CCNB3: variants seen among roughly 807,000 people sequenced by gnomAD.
CCNB3 encodes cyclin B3.
CCNB3 carries 12 observed loss-of-function variants against 68.0 expected under a neutral mutation model. The observed-to-expected ratio is 0.18, with a 90% CI of 0.11 to 0.29. CCNB3 has a LOEUF of 0.29. Among genes scored for constraint, CCNB3 ranks in the 10% least tolerant of loss-of-function variants. CCNB3 has a pLI of 1.00. For synonymous variants in CCNB3, 354 were observed against 388.9 expected (o/e 0.91, Z 1.06); for missense variants, 904 against 993.1 (o/e 0.91, Z 1.21).
intron 9 of CCNB3, among the ~76,000 whole-genome samples, chrX:50,345,611 C>T (rs1923363782): frequency 9.0e-6 from 1 of 111,329 alleles, no homozygotes; most frequent in Admixed American, 9.6e-5. Flanking sequence ...TTGGAGCACC[C>T]TTCCTCTGTT....
In CCNB3 at chrX:50,211,385, C is replaced by G. The variant is rs1418461489; in HGVS notation, c.-113+6435C>G. 2.7e-5 allele frequency among the ~76,000 whole-genome samples: 3 copies of G among 111,758 alleles called. No homozygotes were observed. In the South Asian group the frequency reaches 1.1e-3, roughly 42 times the overall value. On this transcript the variant is annotated intron_variant, in intron 1 of 12. Coordinates refer to ENST00000376042, the MANE Select transcript of CCNB3 (RefSeq NM_033031.3). The stretch of plus-strand genomic sequence containing the variant: ...GAATGCATGTTTTAAACATTACAGC[C>G]GGGTGCGGTGGCTCACACTTGTAAT...
At chrX:50,216,268 TTTG>T (rs1935570802) in intron 1 of CCNB3, among the ~76,000 whole-genome samples, 5 of 105,115 alleles carry the variant, frequency 4.8e-5, no homozygotes, top group African/African-American at 1.8e-4. Flanking sequence ...TGTGTGTGTG[TTTG>T]TGTGTGTGTG....
chrX:50,326,694 C>A (rs1314704960), intron 8 of CCNB3, among the ~76,000 whole-genome samples: 1 of 111,402 alleles, frequency 9.0e-6, no homozygotes, highest in Non-Finnish European at 1.9e-5. Context: ...GTCGTCTTTT[C>A]ATAGATTCAG....
intron 8 of CCNB3, among the ~76,000 whole-genome samples, chrX:50,326,907 C>A (rs1670190778): frequency 8.9e-6 from 1 of 111,995 alleles, no homozygotes; most frequent in African/African-American, 3.2e-5. Context: ...GAATTTGAGG[C>A]AGATTTTATC....
chrX:50,228,593 A>C (rs1935974288), intron 1 of CCNB3, among the ~76,000 whole-genome samples: 3 of 86,610 alleles, frequency 3.5e-5, no homozygotes, highest in Non-Finnish European at 4.3e-5. Context: ...TATAGAATAT[A>C]GATAATATAT....
At chrX:50,205,654 CAAAAG>C (rs1935344823) in intron 1 of CCNB3, among the ~76,000 whole-genome samples, 1 of 109,988 alleles carries the variant, frequency 9.1e-6, no homozygotes, top group African/African-American at 3.3e-5. Flanking sequence ...ACTCTTGTCT[CAAAAG>C]AAAAAGAATT....
chrX:50,228,057 A>C (rs1184727283), intron 1 of CCNB3, among the ~76,000 whole-genome samples: 16 of 87,913 alleles, frequency 1.8e-4, no homozygotes, highest in Admixed American at 9.0e-4. Context: ...ATATAAATAT[A>C]TGGAGAGAAT....
At chrX:50,280,210 T>G (rs1274110129) in intron 1 of CCNB3, among the ~76,000 whole-genome samples, 1 of 28,297 alleles carries the variant, frequency 3.5e-5, no homozygotes, top group Admixed American at 3.7e-4. Flanking sequence ...ATAAATATAT[T>G]TTTAGAATAT....
chrX:50,279,230 A>T (rs1188400467), intron 1 of CCNB3, among the ~76,000 whole-genome samples: 5 of 67,609 alleles, frequency 7.4e-5, no homozygotes, highest in Non-Finnish European at 1.2e-4. Context: ...TCATATATAA[A>T]TATATATGAA....
intron 1 of CCNB3, among the ~76,000 whole-genome samples, chrX:50,225,956 A>C (rs1181078647): frequency 2.1e-5 from 2 of 96,026 alleles, no homozygotes; most frequent in African/African-American, 7.5e-5. Context: ...GGGAGATTAA[A>C]AAGACAAGAG....
chrX:50,312,487 C>T (rs782386857), intron 6 of CCNB3, 50 bp from the exon 7 acceptor site: 1 of 996,005 alleles, frequency 1.0e-6, no homozygotes, highest in African/African-American at 1.9e-5. Context: ...TGTGCTAAGT[C>T]TTCCTTGGAA....
rs1186226526 is a variant in CCNB3 at position 50,309,496 on chromosome X, A to T, written c.1327A>T (p.Thr443Ser). Residue 443 changes from threonine (T) to serine (S), a missense_variant, in exon 6 of 13, where the codon ACC (threonine) becomes TCC (serine). Thr to Ser is a moderately conservative substitution (Grantham distance 58). This residue lies in a region of CCNB3 where 619 missense variants were observed against 609.8 expected (regional missense o/e 1.02). Coordinates refer to ENST00000376042, the MANE Select transcript of CCNB3 (RefSeq NM_033031.3). ...QEPSALQKKH[T>S]TQEEVSILKE... The stretch of plus-strand genomic sequence containing the variant: ...ACCATCTGCATTGCAAAAGAAGCAC[A>T]CCACTCAGGAGGAGGTTTCCATCTT... The T allele has an allele frequency of 8.3e-7, 1 of 1,209,624 alleles. No individual in the cohort carries two copies. The highest frequency in any genetic ancestry group is 1.8e-5 in the African/African-American group (1 of 57,037).
At chrX:50,222,727 C>A (rs1935692322) in intron 1 of CCNB3, among the ~76,000 whole-genome samples, 4 of 111,058 alleles carry the variant, frequency 3.6e-5, no homozygotes, top group African/African-American at 1.3e-4. Context: ...CTTGGCAAAT[C>A]TGATGATTAT....
At chrX:50,220,501 C>T (rs1197030578) in intron 1 of CCNB3, among the ~76,000 whole-genome samples, 1 of 111,685 alleles carries the variant, frequency 9.0e-6, no homozygotes, top group Non-Finnish European at 1.9e-5. Context: ...TTATCGAAGA[C>T]CTTTTCTGCA....
rs199736272 is a variant in CCNB3 at position 50,351,342 on chromosome X, C to T, written c.4062C>T (p.Leu1354=). 6 of 1,211,079 alleles carry T rather than the reference C, an allele frequency of 5.0e-6. No homozygotes were observed. Among genetic ancestry groups the T allele is most frequent in the Non-Finnish European group, 6.7e-6 (6 of 895,024 alleles). Residue 1354 remains leucine, a synonymous_variant, in exon 12 of 13, where the codon CTC becomes CTT. Transcript: ENST00000376042. ...KLLTFSSYDS[L]KAVYYKYSHP... Reference sequence around the variant, plus strand: ...TGACTTTCAGTTCTTACGATAGTCTCAAGGCTGTGTATTACAAGTATTCTC... The same window carrying T: ...TGACTTTCAGTTCTTACGATAGTCTTAAGGCTGTGTATTACAAGTATTCTC...
chrX:50,308,850 G>C lies in CCNB3; in HGVS notation c.681G>C (p.Lys227Asn). 2 of 1,211,186 alleles carry C rather than the reference G, an allele frequency of 1.7e-6. No homozygotes were observed. The highest frequency in any genetic ancestry group is 2.2e-6 in the Non-Finnish European group (2 of 895,314). ...CTGAGGAGGCAGCCATCACCAAGAA[G>C]ACATTATCCTTAAAGAAGAAGATGT... ...HKTEEAAITK[K>N]TLSLKKKMCA... The change falls in exon 6 of 13, where the codon AAG (lysine) becomes AAC (asparagine). Residue 227 changes from lysine to asparagine, a missense_variant. Lys to Asn is a moderately conservative substitution (Grantham distance 94). Around this residue, in one of 2 missense-constraint regions of CCNB3, gnomAD observed 619 missense variants for 609.8 expected, o/e 1.02. Coordinates refer to ENST00000376042, the MANE Select transcript of CCNB3 (RefSeq NM_033031.3).
chrX:50,291,755 G>A (rs1433352553), intron 4 of CCNB3, among the ~76,000 whole-genome samples: 1 of 111,355 alleles, frequency 9.0e-6, no homozygotes, highest in Non-Finnish European at 1.9e-5. Context: ...TCTGAATCTT[G>A]ATTGTACATA....
intron 1 of CCNB3, among the ~76,000 whole-genome samples, chrX:50,227,096 A>G (rs1233839947): frequency 3.6e-5 from 3 of 82,382 alleles, no homozygotes; most frequent in Non-Finnish European, 6.5e-5. Context: ...ATAAATATAT[A>G]GAATATACAT....
At chrX:50,332,709 C>T (rs1298066610) in intron 8 of CCNB3, among the ~76,000 whole-genome samples, 2 of 111,279 alleles carry the variant, frequency 1.8e-5, no homozygotes, top group African/African-American at 3.3e-5. Flanking sequence ...GTCAGGATGA[C>T]GGTCTGAGGT....
Sources: allele counts gnomAD v4.1 joint callset (sites outside exome capture counted in the v4.1 genomes callset), GRCh38; gene constraint gnomAD v4.1.1; regional missense constraint gnomAD v4.1.1; transcripts MANE v1.5; gene names NCBI Gene and HGNC (gene_info 2026-07-23, HGNC 2026-07-21).